Variants in MTNAP1 observed in about 807,000 individuals in gnomAD.
MTNAP1 encodes mitochondrial nucleoid associated protein 1.
chr17:73,245,582 C>T, the MTNAP1 span: 2 of 985,344 alleles, frequency 2.0e-6, no homozygotes, highest in East Asian at 1.1e-4. Flanking sequence ...CAGACTACTA[C>T]CTATATGTTG....
At chr17:73,236,454 A>G in the MTNAP1 span, 1 of 1,614,052 alleles carries the variant, frequency 6.2e-7, no homozygotes, top group African/African-American at 1.3e-5. Flanking sequence ...AAAAGCAGGA[A>G]CGGACTGTCA....
At chr17:73,243,773 T>C in the MTNAP1 span, among the ~76,000 whole-genome samples, 1 of 152,200 alleles carries the variant, frequency 6.6e-6, no homozygotes, top group African/African-American at 2.4e-5. Context: ...GACCTCATGA[T>C]TCTCCTGCCT....
the MTNAP1 span, among the ~76,000 whole-genome samples, chr17:73,233,998 G>A: frequency 6.6e-6 from 1 of 152,246 alleles, no homozygotes; most frequent in Non-Finnish European, 1.5e-5. Flanking sequence ...GAATGGATTG[G>A]TGAAGATTGT....
At chr17:73,236,364 G>A in the MTNAP1 span, 4 of 1,614,058 alleles carry the variant, frequency 2.5e-6, no homozygotes, top group African/African-American at 1.3e-5. Context: ...AAGTCATGGA[G>A]AAACAAGAGA....
the MTNAP1 span, chr17:73,244,577 A>C: frequency 1.3e-5 from 2 of 151,718 alleles, no homozygotes; most frequent in East Asian, 1.9e-4. Context: ...AAAAAAAAAA[A>C]AAAAAACCAC....
chr17:73,246,457 GC>G, the MTNAP1 span, among the ~76,000 whole-genome samples: 1 of 152,182 alleles, frequency 6.6e-6, no homozygotes, highest in African/African-American at 2.4e-5. Flanking sequence ...AATCACTTGA[GC>G]CCAGGAGGCG....
chr17:73,239,628 C>T, the MTNAP1 span, among the ~76,000 whole-genome samples: 5 of 151,588 alleles, frequency 3.3e-5, no homozygotes, highest in Admixed American at 3.3e-4. Context: ...AAGCGATTCT[C>T]CTGCTTCAGG....
the MTNAP1 span, chr17:73,233,104 G>GTAATCAGTAACCTTTGGCT: frequency 6.6e-6 from 1 of 152,202 alleles, no homozygotes; most frequent in Non-Finnish European, 1.5e-5. Flanking sequence ...CCCGGAGGCT[G>GTAATCAGTAACCTTTGGCT]GGGAGGTCTT....
At chr17:73,242,282 T>C in the MTNAP1 span, 2 of 1,606,344 alleles carry the variant, frequency 1.2e-6, no homozygotes, top group Non-Finnish European at 1.7e-6. Flanking sequence ...TATAAGGAGT[T>C]TGGAACCCCC....
chr17:73,236,457 G>A, the MTNAP1 span: 1 of 1,614,194 alleles, frequency 6.2e-7, no homozygotes, highest in Non-Finnish European at 8.5e-7. Flanking sequence ...AGCAGGAACG[G>A]ACTGTCATGA....
At chr17:73,238,542 CT>C in the MTNAP1 span, among the ~76,000 whole-genome samples, 1 of 152,204 alleles carries the variant, frequency 6.6e-6, no homozygotes, top group East Asian at 1.9e-4. Flanking sequence ...CTTTAACTAC[CT>C]TCTATAAACA....
chr17:73,238,148 G>T, the MTNAP1 span, among the ~76,000 whole-genome samples: 1 of 152,210 alleles, frequency 6.6e-6, no homozygotes, highest in East Asian at 1.9e-4. Context: ...GGAAGTTCCT[G>T]ACAGTCATTT....
the MTNAP1 span, chr17:73,245,192 G>A: frequency 1.2e-6 from 2 of 1,613,682 alleles, no homozygotes; most frequent in Non-Finnish European, 1.7e-6. Context: ...CGTAAGTAGT[G>A]TTGACCTGGA....
chr17:73,234,791 G>A, the MTNAP1 span, among the ~76,000 whole-genome samples: 1,683 of 151,524 alleles, frequency 0.011, 35 homozygotes, highest in African/African-American at 0.039. Flanking sequence ...GTGTGTGTGT[G>A]TATATGCATA....
chr17:73,233,725 G>T, the MTNAP1 span, among the ~76,000 whole-genome samples: 8 of 152,186 alleles, frequency 5.3e-5, 1 homozygote, highest in Admixed American at 4.6e-4. Context: ...TTAGCTGGGC[G>T]TGGTGGCGCA....
the MTNAP1 span, among the ~76,000 whole-genome samples, chr17:73,239,711 G>C: frequency 7.2e-5 from 11 of 151,770 alleles, no homozygotes; most frequent in African/African-American, 2.4e-4. Context: ...AGTAGAGATG[G>C]GGTTTTGCCA....
At chr17:73,247,968 A>G in the MTNAP1 span, 1 of 154,070 alleles carries the variant, frequency 6.5e-6, no homozygotes, top group Non-Finnish European at 1.4e-5. Context: ...TGTTTTCTCA[A>G]GTCCTTCAAG....
At chr17:73,243,246 C>T in the MTNAP1 span, 1 of 492,804 alleles carries the variant, frequency 2.0e-6, no homozygotes, top group African/African-American at 2.0e-5. Context: ...CCTCTGCCTC[C>T]TGGGTTCAAG....
chr17:73,241,949 A>T, the MTNAP1 span, among the ~76,000 whole-genome samples: 1 of 152,148 alleles, frequency 6.6e-6, no homozygotes, highest in Admixed American at 6.6e-5. Flanking sequence ...ATGATGTAAG[A>T]GACTCACTTC....
Sources: gnomAD v4.1 joint callset for allele counts (sites outside exome capture counted in the v4.1 genomes callset) on GRCh38, gnomAD v4.1.1 for gene constraint, MANE v1.5 for transcripts, NCBI Gene and HGNC (gene_info 2026-07-23, HGNC 2026-07-21) for gene names.